The following NKX2-3 variants were observed in gnomAD, a reference collection of about 807,000 sequenced individuals.
The protein encoded by NKX2-3 is homeobox protein Nkx-2.3.
NKX2-3 carries 3 observed loss-of-function variants against 14.2 expected under a neutral mutation model. That is an observed-to-expected ratio of 0.21 (90% CI 0.10 to 0.55). The LOEUF is 0.55. Among genes scored for constraint, NKX2-3 ranks in the 20% least tolerant of loss-of-function variants. NKX2-3 has a pLI of 0.94. For missense variants in NKX2-3, 511 were observed against 514.5 expected (o/e 0.99, Z 0.06); for synonymous variants, 276 against 234.2 (o/e 1.18, Z -1.63).
In NKX2-3 at chr10:99,536,155, G is replaced by A; in HGVS notation, c.*434G>A. The stretch of plus-strand genomic sequence containing the variant: ...GAGAAAAATGGGGGTCGTGGCTTGA[G>A]AAATTCCAGGCCCTACCGATCCTCT... On this transcript the variant is annotated 3_prime_UTR_variant, in exon 2 of 2. Transcript: ENST00000344586. 1 of 183,394 alleles carries A rather than the reference G, an allele frequency of 5.5e-6. No homozygotes were observed. The highest frequency in any genetic ancestry group is 1.1e-5 in the Non-Finnish European group (1 of 87,600). The allele number at this position is 183,394 out of a possible 1,614,324, so 11.4% of individuals were successfully genotyped here. A position where few individuals can be genotyped will look rare whatever the true frequency, so the allele number is the denominator to read the frequency against.
In NKX2-3 at chr10:99,536,500, A is replaced by G. The variant is rs1179609753; in HGVS notation, c.*779A>G. ...CCGCTGCCACACACTACAGGAGTCA[A>G]TAAACAAGGTGCAATATTTTCAAAT... On this transcript the variant is annotated 3_prime_UTR_variant, in exon 2 of 2. Transcript: ENST00000344586. The G allele has an allele frequency of 6.5e-6, 1 of 152,874 alleles. No homozygotes were observed. The highest frequency in any genetic ancestry group is 6.5e-5 in the Admixed American group (1 of 15,290). 9.5% of individuals were successfully genotyped at this position (152,874 alleles called of 1,614,324 possible).
chr10:99,534,528 C>T (rs2033945188), intron 1 of NKX2-3, among the ~76,000 whole-genome samples: 1 of 152,256 alleles, frequency 6.6e-6, no homozygotes, highest in Non-Finnish European at 1.5e-5. Flanking sequence ...AAGCGTTACA[C>T]TCAGAACAGA....
intron 1 of NKX2-3, among the ~76,000 whole-genome samples, 154 bp downstream of exon 1, chr10:99,533,643 C>A (rs1022095985): frequency 2.0e-5 from 3 of 152,192 alleles, no homozygotes; most frequent in Non-Finnish European, 4.4e-5. Flanking sequence ...CTCCACAAAG[C>A]GCAGGTACCT....
At position 99,534,998 on chromosome 10, in the gene NKX2-3, G is replaced by A. The variant is rs1326162996; in HGVS notation, c.372G>A (p.Leu124=). The part of the protein sequence containing the change: ...VRDRSQKSCQ[L]KKSLETAGDC... ...CTTCTTCCGCAGAAAGCTGCCAGCT[G>A]AAGAAGTCTCTAGAGACGGCCGGAG... The change falls in exon 2 of 2, where the codon CTG becomes CTA. Residue 124 remains leucine (L), a synonymous_variant. Transcript: ENST00000344586. 3 of 1,600,658 alleles carry A rather than the reference G, an allele frequency of 1.9e-6. No individual in the cohort carries two copies. Among genetic ancestry groups the A allele is most frequent in the Non-Finnish European group, 1.7e-6 (2 of 1,173,848 alleles).
In NKX2-3 at chr10:99,535,026, T is replaced by G. The variant is rs2033952197; in HGVS notation, c.400T>G (p.Cys134Gly). ...LKKSLETAGD[C>G]KAAEESERPK... ...GAAGTCTCTAGAGACGGCCGGAGAC[T>G]GCAAGGCGGCGGAGGAGAGCGAGAG... Residue 134 changes from cysteine (C) to glycine (G), a missense_variant, in exon 2 of 2, where the codon TGC becomes GGC. Coordinates refer to ENST00000344586, the MANE Select transcript of NKX2-3 (RefSeq NM_145285.3). 6.2e-7 allele frequency: 1 copy of G among 1,606,388 alleles called. No individual in the cohort carries two copies. The highest frequency in any genetic ancestry group is 1.7e-5 in the Admixed American group (1 of 59,190).
Position 99,536,365 on chromosome 10 carries a change from G to C in NKX2-3, c.*644G>C, listed in dbSNP as rs1353272595. On this transcript the variant is annotated 3_prime_UTR_variant, in exon 2 of 2. Transcript: ENST00000344586. Reference sequence around the variant, plus strand: ...GGAGGCTGAACAAACTCAGGACCTGGTGGCCCACCGGAGGTGTTACCGGGT... The same window carrying C: ...GGAGGCTGAACAAACTCAGGACCTGCTGGCCCACCGGAGGTGTTACCGGGT... 6.5e-6 allele frequency: 1 copy of C among 153,116 alleles called. No homozygotes were observed. Among genetic ancestry groups the C allele is most frequent in the East Asian group, 1.9e-4 (1 of 5,304 alleles). The allele number at this position is 153,116 out of a possible 1,614,324, so 9.5% of individuals were successfully genotyped here. A position where few individuals can be genotyped will look rare whatever the true frequency, so the allele number is the denominator to read the frequency against.
intron 1 of NKX2-3, among the ~76,000 whole-genome samples, chr10:99,534,217 C>T (rs1001565485): frequency 1.3e-5 from 2 of 152,308 alleles, no homozygotes; most frequent in Admixed American, 1.3e-4. Context: ...GAACTTGAGT[C>T]CGAGATCTTG....
rs896689451 is a variant in NKX2-3 at position 99,535,818 on chromosome 10, TAAAA to T, written c.*101_*104del. 1 of 1,321,910 alleles carries T rather than the reference TAAAA, an allele frequency of 7.6e-7. No homozygotes were observed. The allele number at this position is 1,321,910 out of a possible 1,614,324, so 81.9% of individuals were successfully genotyped here. On this transcript the variant is annotated 3_prime_UTR_variant, in exon 2 of 2. Coordinates refer to ENST00000344586, the MANE Select transcript of NKX2-3 (RefSeq NM_145285.3). Reference sequence around the variant, plus strand: ...TGACCTAAAGGTCAGGTCCCCTCGTTAAAAAAATATGTACGTCTAGCTCCTCAGG... The same window carrying T: ...TGACCTAAAGGTCAGGTCCCCTCGTTAAATATGTACGTCTAGCTCCTCAGG...
Position 99,534,965 on chromosome 10 carries a change from G to T in NKX2-3, c.359-20G>T. ...GCGGCCGGGAACAGCTAAGGACGCT[G>T]TTGTTTGCTTCTTCCGCAGAAAGCT... On this transcript the variant is annotated intron_variant, in intron 1 of 1. Coordinates refer to ENST00000344586, the MANE Select transcript of NKX2-3 (RefSeq NM_145285.3). 6.4e-7 allele frequency: 1 copy of T among 1,574,736 alleles called. No individual in the cohort carries two copies.
chr10:99,535,344 A>T lies in NKX2-3; in HGVS notation c.718A>T (p.Thr240Ser). Residue 240 changes from threonine to serine, a missense_variant, in exon 2 of 2, where the codon ACG becomes TCG. Thr to Ser is a moderately conservative substitution (Grantham distance 58). Transcript: ENST00000344586. ...GGTGCGGGACGGCAAGCCGTGCGTCACGCCCAGCGCGCAGGCCTACGGCGC... is the reference window on the plus strand; with the variant it reads ...GGTGCGGGACGGCAAGCCGTGCGTCTCGCCCAGCGCGCAGGCCTACGGCGC... ...VLVRDGKPCVTPSAQAYGAPY... is the reference protein window; with the variant it reads ...VLVRDGKPCVSPSAQAYGAPY... 1 of 1,511,182 alleles carries T rather than the reference A, an allele frequency of 6.6e-7. No homozygotes were observed. The allele number at this position is 1,511,182 out of a possible 1,614,324, so 93.6% of individuals were successfully genotyped here. A position where few individuals can be genotyped will look rare whatever the true frequency, so the allele number is the denominator to read the frequency against.
chr10:99,533,683 C>G (rs565804015), intron 1 of NKX2-3, among the ~76,000 whole-genome samples, 194 bp downstream of exon 1: 1 of 152,262 alleles, frequency 6.6e-6, no homozygotes, highest in East Asian at 1.9e-4. Flanking sequence ...GAGACAAGGA[C>G]GAGGTGACCC....
rs1589973797 is a variant in NKX2-3, at chr10:99,535,793, T to C, written c.*72T>C. 2 of 1,471,726 alleles carry C rather than the reference T, an allele frequency of 1.4e-6. No homozygotes were observed. The highest frequency in any genetic ancestry group is 1.8e-6 in the Non-Finnish European group (2 of 1,113,250). The allele number at this position is 1,471,726 out of a possible 1,614,324, so 91.2% of individuals were successfully genotyped here. ...GCGGGACTGAAGCTCGAGAAGGGCC[T>C]GACCTAAAGGTCAGGTCCCCTCGTT... is the stretch of plus-strand genomic sequence containing the variant. On this transcript the variant is annotated 3_prime_UTR_variant, in exon 2 of 2. Transcript: ENST00000344586.
chr10:99,535,442 GGCCGCCGCCGCCGCCGCC>G lies in NKX2-3; in HGVS notation c.828_845del (p.Ala281_Ala286del), dbSNP rs753948982. The G allele has an allele frequency of 7.7e-5, 101 of 1,311,058 alleles. 1 individual carries two copies. Among genetic ancestry groups the G allele is most frequent in the East Asian group, 5.0e-4 (14 of 28,132 alleles). The allele number at this position is 1,311,058 out of a possible 1,614,324, so 81.2% of individuals were successfully genotyped here. A position where few individuals can be genotyped will look rare whatever the true frequency, so the allele number is the denominator to read the frequency against. On this transcript the variant is annotated inframe_deletion, in exon 2 of 2. Transcript: ENST00000344586. The stretch of plus-strand genomic sequence containing the variant: ...CCTACGGCTATGGGAACTCGGCCGC[GGCCGCCGCCGCCGCCGCC>G]GCCGCCGCCGCAGCAGCGGCGGCCT...
intron 1 of NKX2-3, 27 bp downstream of exon 1, chr10:99,533,516 C>T: frequency 6.7e-7 from 1 of 1,486,612 alleles, no homozygotes; most frequent in Non-Finnish European, 9.1e-7. Flanking sequence ...AGAAAACGCA[C>T]CCGCACACCT....
At position 99,535,439 on chromosome 10, in the gene NKX2-3, C is replaced by T; in HGVS notation, c.813C>T (p.Ala271=). Residue 271 remains alanine (A), a synonymous_variant, in exon 2 of 2, where the codon GCC becomes GCT. Transcript: ENST00000344586. ...CCGCCTACGGCTATGGGAACTCGGC[C>T]GCGGCCGCCGCCGCCGCCGCCGCCG... ...SFPAYGYGNS[A]AAAAAAAAAA... The T allele has an allele frequency of 7.9e-7, 1 of 1,263,916 alleles. No homozygotes were observed. The highest frequency in any genetic ancestry group is 1.0e-6 in the Non-Finnish European group (1 of 996,948). 78.3% of individuals were successfully genotyped at this position (1,263,916 alleles called of 1,614,324 possible). A position where few individuals can be genotyped will look rare whatever the true frequency, so the allele number is the denominator to read the frequency against.
rs960769460 is a variant in NKX2-3, at chr10:99,532,946, G to C, written c.-186G>C. ...AGCCCGGGCCCCAGTCCCTGCAGTGGCTGTAACAAAACCCAGACCCCCAGG... is the reference window on the plus strand; with the variant it reads ...AGCCCGGGCCCCAGTCCCTGCAGTGCCTGTAACAAAACCCAGACCCCCAGG... On this transcript the variant is annotated 5_prime_UTR_variant, in exon 1 of 2. Transcript: ENST00000344586. 1.4e-5 allele frequency: 8 copies of C among 566,506 alleles called. No individual in the cohort carries two copies. The highest frequency in any genetic ancestry group is 1.3e-4 in the African/African-American group (7 of 54,338). The allele number at this position is 566,506 out of a possible 1,614,324, so 35.1% of individuals were successfully genotyped here. A position where few individuals can be genotyped will look rare whatever the true frequency, so the allele number is the denominator to read the frequency against.
intron 1 of NKX2-3, 117 bp downstream of exon 1, chr10:99,533,606 C>A: frequency 1.3e-6 from 1 of 768,152 alleles, no homozygotes; most frequent in Non-Finnish European, 2.0e-6. Flanking sequence ...TTGGCTGGGG[C>A]CATGCCTCCG....
chr10:99,535,792 C>G lies in NKX2-3; in HGVS notation c.*71C>G. The G allele has an allele frequency of 1.4e-6, 2 of 1,477,052 alleles. No homozygotes were observed. Among genetic ancestry groups the G allele is most frequent in the Non-Finnish European group, 1.8e-6 (2 of 1,117,696 alleles). The allele number at this position is 1,477,052 out of a possible 1,614,324, so 91.5% of individuals were successfully genotyped here. A position where few individuals can be genotyped will look rare whatever the true frequency, so the allele number is the denominator to read the frequency against. ...CGCGGGACTGAAGCTCGAGAAGGGCCTGACCTAAAGGTCAGGTCCCCTCGT... is the reference window on the plus strand; with the variant it reads ...CGCGGGACTGAAGCTCGAGAAGGGCGTGACCTAAAGGTCAGGTCCCCTCGT... On this transcript the variant is annotated 3_prime_UTR_variant, in exon 2 of 2. Coordinates refer to ENST00000344586, the MANE Select transcript of NKX2-3 (RefSeq NM_145285.3).
In NKX2-3 at chr10:99,533,346, A is replaced by G. The variant is rs764267338; in HGVS notation, c.215A>G (p.Tyr72Cys). ...GAAGACGAGGGCGAGAAATTGTCCT[A>G]TTTGAACTCACTAGCCGCAGCAGAC... The part of the protein sequence containing the change: ...DEEDEGEKLS[Y>C]LNSLAAADGH... The change falls in exon 1 of 2, where the codon TAT becomes TGT. Residue 72 changes from tyrosine to cysteine, a missense_variant. Physicochemically the swap from Tyr to Cys is radical, Grantham distance 194. Coordinates refer to ENST00000344586, the MANE Select transcript of NKX2-3 (RefSeq NM_145285.3). The G allele has an allele frequency of 1.2e-6, 2 of 1,612,090 alleles. No individual in the cohort carries two copies. The highest frequency in any genetic ancestry group is 1.7e-4 in the Middle Eastern group (1 of 6,058).
Sources: allele counts gnomAD v4.1 joint callset (sites outside exome capture counted in the v4.1 genomes callset), GRCh38; gene constraint gnomAD v4.1.1; transcripts MANE v1.5; gene names NCBI Gene and HGNC (gene_info 2026-07-23, HGNC 2026-07-21).